Variants in CCT5 observed in about 807,000 individuals in gnomAD.
The protein encoded by CCT5 is T-complex protein 1 subunit epsilon.
A neutral mutation model predicts 55.0 loss-of-function variants in CCT5; 6 were observed. The ratio of observed to expected loss-of-function variants is 0.11; its 90% confidence interval spans 0.06 to 0.22. The LOEUF (loss-of-function observed/expected upper bound fraction) is 0.22. Among genes scored for constraint, CCT5 ranks in the 10% least tolerant of loss-of-function variants. The pLI is 1.00. For missense variants in CCT5, 560 were observed against 694.6 expected (o/e 0.81, Z 2.18); for synonymous variants, 231 against 243.7 (o/e 0.95, Z 0.49).
At chr5:10,250,230 T>A (rs534498281), upstream of CCT5, 36 of 1,573,554 alleles carry the variant, frequency 2.3e-5, no homozygotes, top group Non-Finnish European at 3.1e-5. Flanking sequence ...GTCCCGCGCG[T>A]CTTGTGCTGC....
upstream of CCT5, chr5:10,250,185 T>C (rs1310111164): frequency 2.1e-5 from 32 of 1,544,700 alleles, no homozygotes; most frequent in Non-Finnish European, 2.8e-5. Flanking sequence ...CAGAAGATAC[T>C]GTCTGGCGTG....
intron 1 of CCT5, 21 bp from the exon 2 acceptor site, chr5:10,254,124 T>A (rs748160823): frequency 1.3e-6 from 2 of 1,569,090 alleles, no homozygotes; most frequent in Non-Finnish European, 1.8e-6. Flanking sequence ...CAGTGTTTGC[T>A]TTTTCTGTTT....
rs1746215485 is a variant in CCT5, at chr5:10,266,025, T to C, written c.*1242T>C. On this transcript the variant is annotated 3_prime_UTR_variant, in exon 11 of 11. Coordinates refer to ENST00000280326, the MANE Select transcript of CCT5 (RefSeq NM_012073.5). The stretch of plus-strand genomic sequence containing the variant: ...TTGTGTTTTCTCTACATTCATGCAT[T>C]GGATGTTTTGCTAAATAACTCCTGT... The C allele has an allele frequency of 6.6e-6, 1 of 152,208 alleles. No homozygotes were observed. The highest frequency in any genetic ancestry group is 2.1e-4 in the South Asian group (1 of 4,828). 9.4% of individuals were successfully genotyped at this position (152,208 alleles called of 1,614,324 possible).
chr5:10,261,186 A>T, intron 7 of CCT5: 1 of 511,316 alleles, frequency 2.0e-6, no homozygotes, highest in Non-Finnish European at 3.5e-6. Flanking sequence ...ACCTGGTCTC[A>T]TCCAAATACT....
intron 8 of CCT5, 116 bp from the exon 9 acceptor site, chr5:10,262,362 AGTG>A: frequency 9.5e-7 from 1 of 1,054,664 alleles, no homozygotes; most frequent in South Asian, 1.3e-5. Context: ...ATTATCCGAT[AGTG>A]GAGGCCATCT....
At position 10,263,325 on chromosome 5, in the gene CCT5, G is replaced by T. The variant is rs1280409920; in HGVS notation, c.1498+11G>T. 6.4e-7 allele frequency: 1 copy of T among 1,573,798 alleles called. No individual in the cohort carries two copies. Among genetic ancestry groups the T allele is most frequent in the East Asian group, 2.3e-5 (1 of 43,412 alleles). On this transcript the variant is annotated intron_variant, in intron 10 of 10. Coordinates refer to ENST00000280326, the MANE Select transcript of CCT5 (RefSeq NM_012073.5). ...ACAAGGGGACAAATGGTGAGGAGCT[G>T]TCACGCCTCTGCGTGGAGGGGGGGG...
chr5:10,262,719 G>T (rs968152394), intron 9 of CCT5, 101 bp downstream of exon 9: 5 of 1,249,792 alleles, frequency 4.0e-6, no homozygotes, highest in South Asian at 3.6e-5. Context: ...AACAAGCATC[G>T]TGAGCTGTGT....
In CCT5 at chr5:10,254,005, C is replaced by T. The variant is rs2259642; in HGVS notation, c.106-140C>T. On this transcript the variant is annotated intron_variant, in intron 1 of 10. Transcript: ENST00000280326. ...AGTCGTAAATGTTATAATACTTAAA[C>T]CTGTCTGTTGCCCCTTAAATGTAGA... 541,253 of 673,470 alleles carry T rather than the reference C, an allele frequency of 0.8. 222,329 individuals carry two copies. The highest frequency in any genetic ancestry group is 0.89 in the East Asian group (33,185 of 37,262). The allele number at this position is 673,470 out of a possible 1,614,324, so 41.7% of individuals were successfully genotyped here. A position where few individuals can be genotyped will look rare whatever the true frequency, so the allele number is the denominator to read the frequency against.
At chr5:10,258,000 G>A (rs1039229968) in intron 4 of CCT5, 111 bp from the exon 5 acceptor site, 4 of 1,134,834 alleles carry the variant, frequency 3.5e-6, no homozygotes, top group African/African-American at 1.5e-5. Flanking sequence ...CCCTCTAGAA[G>A]ACTCAAAACA....
intron 6 of CCT5, among the ~76,000 whole-genome samples, chr5:10,259,922 C>T (rs1328224249): frequency 6.6e-6 from 1 of 152,232 alleles, no homozygotes; most frequent in East Asian, 1.9e-4. Context: ...GGCAGGGACC[C>T]AAAGAGGAAC....
At chr5:10,256,620 G>A (rs1426758628) in intron 4 of CCT5, among the ~76,000 whole-genome samples, 3 of 151,692 alleles carry the variant, frequency 2.0e-5, no homozygotes, top group African/African-American at 4.8e-5. Context: ...GTGAGAGGTC[G>A]AGGCTGCAGC....
chr5:10,257,857 A>G, intron 4 of CCT5: 1 of 535,882 alleles, frequency 1.9e-6, no homozygotes, highest in South Asian at 2.1e-5. Context: ...GGAAGGAAAT[A>G]GTAAATTTCA....
intron 2 of CCT5, 122 bp downstream of exon 2, chr5:10,254,327 A>G (rs544661811): frequency 4.0e-6 from 3 of 749,238 alleles, no homozygotes; most frequent in Non-Finnish European, 4.7e-6. Context: ...AACACAGCCA[A>G]AATTTTTTAG....
intron 8 of CCT5, chr5:10,262,046 A>C (rs2244722): frequency 2.4e-6 from 1 of 408,520 alleles, no homozygotes; most frequent in South Asian, 2.1e-5. Flanking sequence ...TGTTTGATAC[A>C]GTTACATTAG....
chr5:10,262,228 T>A (rs573906795), intron 8 of CCT5: 15 of 499,784 alleles, frequency 3.0e-5, no homozygotes, highest in Middle Eastern at 5.6e-4. Context: ...TTGTGATAAA[T>A]CTTTGCGAGT....
At chr5:10,259,598 A>G (rs1745854410) in intron 6 of CCT5, among the ~76,000 whole-genome samples, 1 of 152,210 alleles carries the variant, frequency 6.6e-6, no homozygotes, top group Admixed American at 6.5e-5. Context: ...ATAGGGTGAG[A>G]GCAGTGCCCC....
intron 6 of CCT5, among the ~76,000 whole-genome samples, chr5:10,260,089 C>T (rs2126511683): frequency 6.6e-6 from 1 of 152,166 alleles, no homozygotes; most frequent in South Asian, 2.1e-4. Flanking sequence ...GACTGAGTTC[C>T]AGAGGGTCAG....
chr5:10,261,077 G>T (rs1471528942), intron 7 of CCT5, 166 bp downstream of exon 7: 6 of 767,250 alleles, frequency 7.8e-6, no homozygotes, highest in Non-Finnish European at 1.4e-5. Context: ...TTACTGTTTG[G>T]ATAACAGTGC....
chr5:10,256,049 T>A lies in CCT5; in HGVS notation c.426T>A (p.Arg142=), dbSNP rs1042392. ...RIADGYEQAA[R]VAIEHLDKIS... ...CCGATGGCTATGAGCAGGCTGCTCG[T>A]GTTGCTATTGAACACCTGGACAAGA... The change falls in exon 4 of 11, where the codon CGT becomes CGA. Residue 142 remains arginine (R), a synonymous_variant. Coordinates refer to ENST00000280326, the MANE Select transcript of CCT5 (RefSeq NM_012073.5). 6.2e-7 allele frequency: 1 copy of A among 1,614,020 alleles called. No individual in the cohort carries two copies. Among genetic ancestry groups the A allele is most frequent in the South Asian group, 1.1e-5 (1 of 91,078 alleles).
Sources: gnomAD v4.1 joint callset for allele counts (sites outside exome capture counted in the v4.1 genomes callset) on GRCh38, gnomAD v4.1.1 for gene constraint, MANE v1.5 for transcripts, NCBI Gene and HGNC (gene_info 2026-07-23, HGNC 2026-07-21) for gene names.